TMPRSS15: variants seen among roughly 807,000 people sequenced by gnomAD.
The protein encoded by TMPRSS15 is transmembrane serine protease 15.
A neutral mutation model predicts 125.3 loss-of-function variants in TMPRSS15; 128 were observed. That is an observed-to-expected ratio of 1.02 (90% CI 0.89 to 1.18). TMPRSS15 has a LOEUF of 1.18. TMPRSS15 is among the 50% of genes most tolerant of loss of function. TMPRSS15 has a pLI of 0.00. For missense variants in TMPRSS15, 1,283 were observed against 1,212.7 expected (o/e 1.06, Z -0.86); for synonymous variants, 446 against 423.2 (o/e 1.05, Z -0.66).
intron 1 of TMPRSS15, among the ~76,000 whole-genome samples, chr21:18,410,515 C>CA (rs1039027726): frequency 1.3e-5 from 2 of 150,584 alleles, no homozygotes; most frequent in African/African-American, 4.9e-5. Flanking sequence ...CTACAGACTG[C>CA]AAAATATTAA....
At chr21:18,360,462 T>C (rs1001831590) in intron 7 of TMPRSS15, among the ~76,000 whole-genome samples, 2 of 152,126 alleles carry the variant, frequency 1.3e-5, no homozygotes, top group Non-Finnish European at 2.9e-5. Flanking sequence ...GGGAATTCTA[T>C]TTTTAATTTT....
chr21:18,396,326 A>C (rs1304054211), intron 3 of TMPRSS15, among the ~76,000 whole-genome samples: 1 of 152,160 alleles, frequency 6.6e-6, no homozygotes, highest in African/African-American at 2.4e-5. Flanking sequence ...GCACATGCTG[A>C]ATCAGAACAA....
Position 18,271,772 on chromosome 21 carries a change from C to A in TMPRSS15, c.2905-1648G>T, listed in dbSNP as rs9975296. On this transcript the variant is annotated intron_variant, in intron 24 of 24. Coordinates refer to ENST00000284885, the MANE Select transcript of TMPRSS15 (RefSeq NM_002772.3). ...GGCCCTGGTGTGTGTTGTTCCCTGTCCTGTGTCCATGTGTTCTCATTGTTC... is the reference window on the plus strand; with the variant it reads ...GGCCCTGGTGTGTGTTGTTCCCTGTACTGTGTCCATGTGTTCTCATTGTTC... Among the ~76,000 whole-genome samples the A allele has an allele frequency of 5.2e-3, 786 of 152,144 alleles. 8 individuals carry two copies. The highest frequency in any genetic ancestry group is 0.017 in the African/African-American group (714 of 41,500).
Position 18,269,955 on chromosome 21 carries a change from G to T in TMPRSS15, c.*14C>A. On this transcript the variant is annotated 3_prime_UTR_variant, in exon 25 of 25. Coordinates refer to ENST00000284885, the MANE Select transcript of TMPRSS15 (RefSeq NM_002772.3). ...GAAAATAATGCGACTTTCCTGTTTA[G>T]TTTAAGAAATGCGCTAATGTAGAAA... The T allele has an allele frequency of 6.2e-7, 1 of 1,613,406 alleles. No individual in the cohort carries two copies.
At chr21:18,321,243 A>G (rs371433141) in intron 16 of TMPRSS15, among the ~76,000 whole-genome samples, 16 of 152,302 alleles carry the variant, frequency 1.1e-4, no homozygotes, top group African/African-American at 3.8e-4. Flanking sequence ...AGAAAATAAG[A>G]TACAAAAATA....
chr21:18,309,075 T>C (rs1169437659), intron 18 of TMPRSS15, among the ~76,000 whole-genome samples: 3 of 152,176 alleles, frequency 2.0e-5, no homozygotes, highest in African/African-American at 7.2e-5. Context: ...GTCTTTATAG[T>C]AGAATGATTT....
chr21:18,469,050 G>A (rs1459166641), intron 1 of TMPRSS15, among the ~76,000 whole-genome samples: 1 of 152,136 alleles, frequency 6.6e-6, no homozygotes, highest in Non-Finnish European at 1.5e-5. Context: ...GGAGGAAAAA[G>A]CAATTGCAGC....
chr21:18,485,183 CCATTTA>C (rs558789209), intron 1 of TMPRSS15, among the ~76,000 whole-genome samples: 4 of 151,658 alleles, frequency 2.6e-5, no homozygotes, highest in Non-Finnish European at 5.9e-5. Flanking sequence ...AAAATGAATA[CCATTTA>C]CTTTTACATA....
At chr21:18,376,006 G>T (rs986750903) in intron 5 of TMPRSS15, among the ~76,000 whole-genome samples, 6 of 152,148 alleles carry the variant, frequency 3.9e-5, no homozygotes, top group African/African-American at 1.4e-4. Flanking sequence ...AATTTGAAAA[G>T]GGATAATAGT....
intron 1 of TMPRSS15, among the ~76,000 whole-genome samples, chr21:18,469,771 C>T (rs1245577887): frequency 6.6e-6 from 1 of 152,046 alleles, no homozygotes; most frequent in Non-Finnish European, 1.5e-5. Flanking sequence ...GTAATTCACC[C>T]TATTTCTGTT....
chr21:18,471,933 G>A (rs945747081), intron 1 of TMPRSS15, among the ~76,000 whole-genome samples: 1 of 152,154 alleles, frequency 6.6e-6, no homozygotes, highest in African/African-American at 2.4e-5. Flanking sequence ...AGGTGAGGGT[G>A]AAGAGCAAGA....
chr21:18,411,998 G>A (rs567723781), intron 1 of TMPRSS15, among the ~76,000 whole-genome samples: 4 of 151,946 alleles, frequency 2.6e-5, no homozygotes, highest in Non-Finnish European at 5.9e-5. Flanking sequence ...ATCCTACTTG[G>A]TTAGTAGGAA....
chr21:18,333,613 A>G (rs1389307788), intron 13 of TMPRSS15, among the ~76,000 whole-genome samples: 1 of 152,100 alleles, frequency 6.6e-6, no homozygotes, highest in African/African-American at 2.4e-5. Flanking sequence ...ATGGATAGTA[A>G]GGAAAGGGAG....
chr21:18,374,437 C>CA (rs1347074865), intron 5 of TMPRSS15, among the ~76,000 whole-genome samples: 2 of 127,478 alleles, frequency 1.6e-5, no homozygotes, highest in Non-Finnish European at 3.1e-5. Flanking sequence ...TGCGCCACTG[C>CA]AGTCCGCAGT....
chr21:18,439,791 C>A (rs891953322), intron 1 of TMPRSS15, among the ~76,000 whole-genome samples: 1 of 152,098 alleles, frequency 6.6e-6, no homozygotes, highest in Non-Finnish European at 1.5e-5. Flanking sequence ...AGACTAGATA[C>A]CATCTTTAAA....
In TMPRSS15 at chr21:18,294,681, A is replaced by G. The variant is rs139473028; in HGVS notation, c.2262-29T>C. On this transcript the variant is annotated intron_variant, in intron 19 of 24. Transcript: ENST00000284885. ...TAATAGAAGAACAATCATATTTTTA[A>G]AATTATGCATTTAATATTTTCAAGT... 2,102 of 1,586,678 alleles carry G rather than the reference A, an allele frequency of 1.3e-3. 18 individuals carry two copies. Among genetic ancestry groups the G allele is most frequent in the South Asian group, 9.9e-3 (896 of 90,430 alleles).
chr21:18,366,722 T>G (rs1215583039), intron 6 of TMPRSS15, among the ~76,000 whole-genome samples: 1 of 152,134 alleles, frequency 6.6e-6, no homozygotes, highest in Non-Finnish European at 1.5e-5. Flanking sequence ...ACAATGTGTC[T>G]TTTTCTCTGC....
chr21:18,345,496 C>A (rs936636266), intron 10 of TMPRSS15, among the ~76,000 whole-genome samples: 2 of 151,732 alleles, frequency 1.3e-5, no homozygotes, highest in Non-Finnish European at 2.9e-5. Context: ...AATCCCAGCA[C>A]TTTGGGAGGC....
upstream of TMPRSS15, among the ~76,000 whole-genome samples, chr21:18,407,076 A>G (rs978789710): frequency 6.6e-6 from 1 of 152,172 alleles, no homozygotes; most frequent in Non-Finnish European, 1.5e-5. Flanking sequence ...AAAGAAAATC[A>G]TTTGTTTAGT....
Sources: gnomAD v4.1 joint callset for allele counts (sites outside exome capture counted in the v4.1 genomes callset) on GRCh38, gnomAD v4.1.1 for gene constraint, MANE v1.5 for transcripts, NCBI Gene and HGNC (gene_info 2026-07-23, HGNC 2026-07-21) for gene names.